The following NUP160 variants were observed in gnomAD, a reference collection of about 807,000 sequenced individuals.
The protein encoded by NUP160 is nucleoporin 160.
Under a neutral mutation model 196.9 loss-of-function variants are expected in NUP160, and 94 were observed. That is an observed-to-expected ratio of 0.48 (90% CI 0.40 to 0.57). The LOEUF (loss-of-function observed/expected upper bound fraction) is 0.57, where lower values mean the gene tolerates loss of function less well. NUP160 is among the 20% of genes least tolerant of loss of function. The pLI, the probability that NUP160 is intolerant of heterozygous loss-of-function variation, is 0.00. For synonymous variants in NUP160, 605 were observed against 619.7 expected (o/e 0.98, Z 0.35); for missense variants, 1,638 against 1,748.3 (o/e 0.94, Z 1.13).
exon 1 of NUP160, chr11:47,848,234 T>C: frequency 6.2e-7 from 1 of 1,614,070 alleles, no homozygotes; most frequent in Non-Finnish European, 8.5e-7. Context: ...CTGCAGACTG[T>C]GAATTCCCGA....
At chr11:47,831,987 C>T (rs180709783) in intron 7 of NUP160, among the ~76,000 whole-genome samples, 1 of 148,610 alleles carries the variant, frequency 6.7e-6, no homozygotes, top group Non-Finnish European at 1.5e-5. Context: ...CTGCAACCTC[C>T]GCCTCCCAGG....
At chr11:47,783,716 C>T (rs2097662826) in intron 33 of NUP160, among the ~76,000 whole-genome samples, 1 of 152,012 alleles carries the variant, frequency 6.6e-6, no homozygotes, top group African/African-American at 2.4e-5. Flanking sequence ...AGCTGGCTTC[C>T]CTACTTTCCT....
chr11:47,828,001 C>T (rs1412061684), intron 7 of NUP160, among the ~76,000 whole-genome samples: 1 of 152,140 alleles, frequency 6.6e-6, no homozygotes, highest in Non-Finnish European at 1.5e-5. Flanking sequence ...CCTCAAATAG[C>T]TGGTACTATA....
At chr11:47,839,127 T>C (rs1047753730) in intron 4 of NUP160, among the ~76,000 whole-genome samples, 2 of 152,072 alleles carry the variant, frequency 1.3e-5, no homozygotes, top group South Asian at 4.1e-4. Flanking sequence ...GTTTCGCTCT[T>C]GTTGCCCAGG....
intron 20 of NUP160, among the ~76,000 whole-genome samples, chr11:47,805,749 T>C (rs2097677167): frequency 6.6e-6 from 1 of 152,116 alleles, no homozygotes; most frequent in South Asian, 2.1e-4. Context: ...CCTGGCCGAA[T>C]AATGTCTTAA....
chr11:47,788,816 C>T (rs541923076), intron 29 of NUP160, among the ~76,000 whole-genome samples: 8 of 151,896 alleles, frequency 5.3e-5, no homozygotes, highest in South Asian at 4.2e-4. Context: ...GTATTTTAAC[C>T]GACTGCAGTT....
chr11:47,834,011 G>A (rs1431699673), intron 7 of NUP160, among the ~76,000 whole-genome samples: 1 of 152,124 alleles, frequency 6.6e-6, no homozygotes, highest in Non-Finnish European at 1.5e-5. Flanking sequence ...TACATACTGA[G>A]CCCTATGAGT....
chr11:47,822,261 A>ATT, intron 7 of NUP160, 97 bp from the exon 8 acceptor site: 139 of 614,396 alleles, frequency 2.3e-4, no homozygotes, highest in Middle Eastern at 9.4e-4. Context: ...TTAAAAAAAA[A>ATT]TTTTTTTTTT....
intron 17 of NUP160, among the ~76,000 whole-genome samples, chr11:47,809,734 C>CAAAAAA (rs779243939): frequency 2.1e-4 from 10 of 47,866 alleles, no homozygotes; most frequent in African/African-American, 3.9e-4. Context: ...GCAAGACTCT[C>CAAAAAA]AAAAAAAAAA....
At chr11:47,811,461 G>A (rs2097681062) in intron 17 of NUP160, among the ~76,000 whole-genome samples, 1 of 150,734 alleles carries the variant, frequency 6.6e-6, no homozygotes, top group South Asian at 2.1e-4. Flanking sequence ...TCCAGCCTGG[G>A]CAACAGAGCA....
chr11:47,801,877 C>T (rs1383988187), exon 23 of NUP160: 4 of 1,613,766 alleles, frequency 2.5e-6, no homozygotes, highest in Non-Finnish European at 3.4e-6. Context: ...TCAAGCGATC[C>T]AAGAATTCCT....
At position 47,838,158 on chromosome 11, in the gene NUP160, A is replaced by T. The variant is rs570761172; in HGVS notation, c.749-535T>A. ...CAATTTTGAAAAGGATGGTCAGGGAAGGCCTCAACAAGGTGACATTGAGTA... is the reference window on the plus strand; with the variant it reads ...CAATTTTGAAAAGGATGGTCAGGGATGGCCTCAACAAGGTGACATTGAGTA... On this transcript the variant is annotated intron_variant, in intron 4 of 35. Transcript: ENST00000378460. Among the ~76,000 whole-genome samples, 5 of 152,324 alleles carry T rather than the reference A, an allele frequency of 3.3e-5. No individual in the cohort carries two copies. In the South Asian group the frequency reaches 1.0e-3, roughly 32 times the overall value.
chr11:47,837,506 T>A (rs779343799), intron 5 of NUP160, 39 bp downstream of exon 5: 6 of 1,521,998 alleles, frequency 3.9e-6, no homozygotes, highest in Middle Eastern at 1.7e-4. Flanking sequence ...AAAGATTAAA[T>A]TCTTGGGCCC....
chr11:47,797,940 A>G (rs1056110015), intron 26 of NUP160, 38 bp downstream of exon 26: 3 of 1,550,530 alleles, frequency 1.9e-6, no homozygotes, highest in Non-Finnish European at 2.7e-6. Context: ...GGCAACCACC[A>G]TACTTGTTGA....
At chr11:47,800,161 G>C (rs1286063315) in intron 23 of NUP160, among the ~76,000 whole-genome samples, 2 of 151,600 alleles carry the variant, frequency 1.3e-5, no homozygotes, top group East Asian at 4.0e-4. Flanking sequence ...CACAGAGGCA[G>C]GAGAATCGCT....
At chr11:47,808,202 A>C (rs1455396418) in intron 18 of NUP160, among the ~76,000 whole-genome samples, 194 bp downstream of exon 18, 4 of 152,082 alleles carry the variant, frequency 2.6e-5, no homozygotes. Context: ...AATCACTTGA[A>C]CCTGGGAGGC....
intron 22 of NUP160, 112 bp from the exon 23 acceptor site, chr11:47,802,042 A>G: frequency 2.2e-6 from 2 of 911,460 alleles, no homozygotes; most frequent in Non-Finnish European, 3.4e-6. Flanking sequence ...ATTACTTAAC[A>G]TGGTCTACTC....
At chr11:47,832,678 T>C (rs898596093) in intron 7 of NUP160, among the ~76,000 whole-genome samples, 1 of 152,194 alleles carries the variant, frequency 6.6e-6, no homozygotes, top group Non-Finnish European at 1.5e-5. Context: ...CCCTAGCCTC[T>C]AAATTTTCAG....
At position 47,782,298 on chromosome 11, in the gene NUP160, AAAAAAATATATATATAT is replaced by A. The variant is rs1371251539; in HGVS notation, c.4116+758_4116+774del. ...CAGAGCAAAACTCAGTTAAAAAAAA[AAAAAAATATATATATAT>A]ATATATATATATATATATATATATA... On this transcript the variant is annotated intron_variant, in intron 34 of 35. Transcript: ENST00000378460. 1.9e-3 allele frequency among the ~76,000 whole-genome samples: 103 copies of A among 53,300 alleles called. 2 individuals are homozygous for A. Among genetic ancestry groups the A allele is most frequent in the South Asian group, 4.6e-3 (9 of 1,956 alleles). The allele number at this position is 53,300 out of a possible 152,430, so 35.0% of individuals were successfully genotyped here.
Sources: allele counts gnomAD v4.1 joint callset (sites outside exome capture counted in the v4.1 genomes callset), GRCh38; gene constraint gnomAD v4.1.1; transcripts MANE v1.5; gene names NCBI Gene and HGNC (gene_info 2026-07-23, HGNC 2026-07-21).